Variants in TMTC2 observed in about 807,000 individuals in gnomAD.
The protein encoded by TMTC2 is protein O-mannosyl-transferase TMTC2.
TMTC2 carries 43 observed loss-of-function variants against 82.4 expected under a neutral mutation model. That is an observed-to-expected ratio of 0.52 (90% confidence interval 0.41 to 0.67). The LOEUF (loss-of-function observed/expected upper bound fraction) is 0.67. Among genes scored for constraint, TMTC2 ranks in the 30% least tolerant of loss-of-function variants. The pLI is 0.00. For missense variants in TMTC2, 919 were observed against 1,012.4 expected (o/e 0.91, Z 1.25); for synonymous variants, 408 against 381.9 (o/e 1.07, Z -0.80).
intron 2 of TMTC2, among the ~76,000 whole-genome samples, chr12:82,892,427 G>A (rs1873444070): frequency 1.3e-5 from 2 of 151,744 alleles, no homozygotes; most frequent in Admixed American, 1.3e-4. Context: ...GACCACATCT[G>A]GAATCTCAAT....
intron 3 of TMTC2, among the ~76,000 whole-genome samples, chr12:82,903,330 A>T (rs1352971720): frequency 1.3e-5 from 2 of 152,222 alleles, no homozygotes; most frequent in Admixed American, 1.3e-4. Flanking sequence ...TTCTATAATT[A>T]TGTGTTCATT....
chr12:82,855,039 G>GT (rs1871187458), intron 1 of TMTC2, among the ~76,000 whole-genome samples: 1 of 152,188 alleles, frequency 6.6e-6, no homozygotes, highest in African/African-American at 2.4e-5. Context: ...GTAAAGCACT[G>GT]TTCTCTGCTT....
At chr12:82,828,248 C>T (rs1869539857) in intron 1 of TMTC2, among the ~76,000 whole-genome samples, 1 of 139,736 alleles carries the variant, frequency 7.2e-6, no homozygotes, top group Admixed American at 7.4e-5. Flanking sequence ...CAGTCTCACT[C>T]TGTCACCCAG....
At chr12:82,926,668 T>C (rs983810368) in intron 3 of TMTC2, among the ~76,000 whole-genome samples, 1 of 152,206 alleles carries the variant, frequency 6.6e-6, no homozygotes, top group African/African-American at 2.4e-5. Context: ...AGTGCCTGGC[T>C]TCATATTTTC....
At chr12:83,057,181 C>A (rs1882576055) in intron 10 of TMTC2, among the ~76,000 whole-genome samples, 1 of 151,990 alleles carries the variant, frequency 6.6e-6, no homozygotes, top group Non-Finnish European at 1.5e-5. Flanking sequence ...ATTATATAAT[C>A]TTTCTAGATA....
chr12:82,731,094 C>T (rs1874784409), intron 1 of TMTC2, among the ~76,000 whole-genome samples: 1 of 152,170 alleles, frequency 6.6e-6, no homozygotes, highest in Non-Finnish European at 1.5e-5. Context: ...AAGTGCTAGA[C>T]TTATCGGTGT....
chr12:82,775,441 C>T (rs1449970213), intron 1 of TMTC2, among the ~76,000 whole-genome samples: 2 of 151,816 alleles, frequency 1.3e-5, no homozygotes, highest in African/African-American at 4.8e-5. Context: ...CAGAGTGAGA[C>T]CCTGTCTCCA....
chr12:82,694,508 G>A (rs1872706343), intron 1 of TMTC2, among the ~76,000 whole-genome samples: 3 of 152,118 alleles, frequency 2.0e-5, no homozygotes, highest in Admixed American at 1.3e-4. Flanking sequence ...ATGATGATTC[G>A]ATAAAGCTTT....
intron 11 of TMTC2, among the ~76,000 whole-genome samples, chr12:83,081,674 T>C (rs1282011487): frequency 6.6e-6 from 1 of 152,104 alleles, no homozygotes; most frequent in East Asian, 1.9e-4. Flanking sequence ...TTCCCCTACA[T>C]ATAGATAAAG....
chr12:83,070,855 G>A (rs538994920), intron 11 of TMTC2, among the ~76,000 whole-genome samples: 10 of 152,136 alleles, frequency 6.6e-5, no homozygotes, highest in Admixed American at 2.6e-4. Context: ...TATTACACAG[G>A]GTACATCCCT....
intron 4 of TMTC2, among the ~76,000 whole-genome samples, chr12:82,956,381 AG>A (rs1294841438): frequency 1.3e-5 from 2 of 152,136 alleles, no homozygotes; most frequent in Non-Finnish European, 2.9e-5. Context: ...AAAGGGTTGG[AG>A]AAAGATGTAG....
intron 7 of TMTC2, among the ~76,000 whole-genome samples, chr12:82,969,412 C>T (rs1878355754): frequency 6.6e-6 from 1 of 152,052 alleles, no homozygotes; most frequent in Non-Finnish European, 1.5e-5. Flanking sequence ...TTTTCCCATT[C>T]TATTTTTTTC....
Position 82,895,973 on chromosome 12 carries a change from T to A in TMTC2, c.810T>A (p.Thr270=). The A allele has an allele frequency of 6.2e-7, 1 of 1,613,852 alleles. No homozygotes were observed. Among genetic ancestry groups the A allele is most frequent in the Non-Finnish European group, 8.5e-7 (1 of 1,179,982 alleles). The change falls in exon 3 of 12, where the codon ACT becomes ACA. Residue 270 remains threonine (T), a synonymous_variant. Transcript: ENST00000321196. ...AADSDSLLTR[T]LTFFYLPTKN... ...ATTCGGACAGCCTCCTCACCCGCACTCTCACCTTCTTCTACTTGCCAACCA... is the reference window on the plus strand; with the variant it reads ...ATTCGGACAGCCTCCTCACCCGCACACTCACCTTCTTCTACTTGCCAACCA...
At chr12:82,979,725 A>G (rs1432318007) in intron 7 of TMTC2, among the ~76,000 whole-genome samples, 3 of 151,746 alleles carry the variant, frequency 2.0e-5, no homozygotes, top group Non-Finnish European at 4.4e-5. Flanking sequence ...TATTGCTTAT[A>G]AAGGTCATTT....
intron 1 of TMTC2, among the ~76,000 whole-genome samples, chr12:82,768,989 A>G (rs1303449780): frequency 6.6e-6 from 1 of 151,854 alleles, no homozygotes; most frequent in Non-Finnish European, 1.5e-5. Flanking sequence ...TCTAGCTGCT[A>G]TGTGGCCAAG....
intron 1 of TMTC2, among the ~76,000 whole-genome samples, chr12:82,778,278 TTTA>T (rs1738721990): frequency 1.3e-5 from 2 of 152,152 alleles, no homozygotes; most frequent in African/African-American, 4.8e-5. Flanking sequence ...AAGCAAATAA[TTTA>T]TTATTTTTTT....
At chr12:82,835,131 G>A (rs1869964069) in intron 1 of TMTC2, among the ~76,000 whole-genome samples, 1 of 152,166 alleles carries the variant, frequency 6.6e-6, no homozygotes, top group Non-Finnish European at 1.5e-5. Context: ...CCAAAGTGCA[G>A]GGATTACAGG....
At chr12:82,878,680 G>A in intron 2 of TMTC2, among the ~76,000 whole-genome samples, 1 of 152,078 alleles carries the variant, frequency 6.6e-6, no homozygotes, top group East Asian at 1.9e-4. Flanking sequence ...GAGGACATTG[G>A]AATCTAAATG....
chr12:82,692,495 C>T (rs144601918), intron 1 of TMTC2, among the ~76,000 whole-genome samples: 6 of 152,236 alleles, frequency 3.9e-5, no homozygotes, highest in South Asian at 4.1e-4. Context: ...GCTAAAGGTG[C>T]GTTGTCTCTA....
Sources: gnomAD v4.1 joint callset for allele counts (sites outside exome capture counted in the v4.1 genomes callset) on GRCh38, gnomAD v4.1.1 for gene constraint, MANE v1.5 for transcripts, NCBI Gene and HGNC (gene_info 2026-07-23, HGNC 2026-07-21) for gene names.